The following OR10G4 variants were observed in gnomAD, a reference collection of about 807,000 sequenced individuals.
OR10G4 encodes olfactory receptor 10G4.
For synonymous variants in OR10G4, 130 were observed against 159.3 expected, an observed-to-expected ratio of 0.82 and a Z score of 1.39; for missense variants, 318 against 388.8, an observed-to-expected ratio of 0.82 and a Z score of 1.53.
In OR10G4 at chr11:124,016,365, T is replaced by C; in HGVS notation, c.791T>C (p.Met264Thr). The C allele has an allele frequency of 6.2e-7, 1 of 1,614,200 alleles. No individual in the cohort carries two copies. Among genetic ancestry groups the C allele is most frequent in the Non-Finnish European group, 8.5e-7 (1 of 1,180,018 alleles). The stretch of plus-strand genomic sequence containing the variant: ...GTCATTTATCTGAGGCCAGGCTCCA[T>C]GGATGCCATGGATGGAGTTGTGGCC... ...CVVIYLRPGS[M>T]DAMDGVVAIF... The change falls in exon 2 of 2, where the codon ATG (methionine) becomes ACG (threonine). Residue 264 changes from methionine to threonine, a missense_variant. Physicochemically the swap from Met to Thr is moderately conservative, Grantham distance 81 (BLOSUM62 -1). Transcript: ENST00000641722.
chr11:124,016,878 A>G lies in OR10G4; in HGVS notation c.*368A>G, dbSNP rs1375605769. The G allele has an allele frequency of 6.2e-6, 1 of 161,420 alleles. No homozygotes were observed. Among genetic ancestry groups the G allele is most frequent in the Non-Finnish European group, 1.4e-5 (1 of 74,072 alleles). 10.0% of individuals were successfully genotyped at this position (161,420 alleles called of 1,614,324 possible). A position where few individuals can be genotyped will look rare whatever the true frequency, so the allele number is the denominator to read the frequency against. ...CTTAAGAATTTACCATCATGGAGACATAGTTCAAAACCAGCAACAAATATT... is the reference window on the plus strand; with the variant it reads ...CTTAAGAATTTACCATCATGGAGACGTAGTTCAAAACCAGCAACAAATATT... On this transcript the variant is annotated 3_prime_UTR_variant, in exon 2 of 2. Transcript: ENST00000641722.
At position 124,016,317 on chromosome 11, in the gene OR10G4, T is replaced by A. The variant is rs151015612; in HGVS notation, c.743T>A (p.Leu248His). The change falls in exon 2 of 2, where the codon CTT (leucine) becomes CAT (histidine). Residue 248 changes from leucine (L) to histidine (H), a missense_variant. Leu to His is a moderately conservative substitution (Grantham distance 99, BLOSUM62 -3). Coordinates refer to ENST00000641722, the MANE Select transcript of OR10G4 (RefSeq NM_001004462.2). ...TGTGCCTCCCACTGTATTGTGGTCC[T>A]TTGCTTCTTTGTTCCCTGTGTTGTC... ...QTCASHCIVV[L>H]CFFVPCVVIY... 3.2e-5 allele frequency: 51 copies of A among 1,614,070 alleles called. No individual in the cohort carries two copies. Among genetic ancestry groups the A allele is most frequent in the Non-Finnish European group, 4.2e-5 (50 of 1,180,038 alleles).
In OR10G4 at chr11:124,015,622, C is replaced by T; in HGVS notation, c.48C>T (p.Pro16=). ...LVTAFILTGL[P]HAPGLDALLF... ...CAGCATTCATCCTCACAGGCCTTCC[C>T]CATGCCCCAGGGCTGGACGCCCTCC... The change falls in exon 2 of 2, where the codon CCC becomes CCT. Residue 16 remains proline (P), a synonymous_variant. Transcript: ENST00000641722. The T allele has an allele frequency of 6.2e-7, 1 of 1,603,444 alleles. No individual in the cohort carries two copies. Among genetic ancestry groups the T allele is most frequent in the Non-Finnish European group, 8.5e-7 (1 of 1,174,188 alleles).
At position 124,015,592 on chromosome 11, in the gene OR10G4, C is replaced by T. The variant is rs373153128; in HGVS notation, c.18C>T (p.Leu6=). The T allele has an allele frequency of 5.0e-6, 8 of 1,606,182 alleles. No homozygotes were observed. The highest frequency in any genetic ancestry group is 6.0e-6 in the Non-Finnish European group (7 of 1,175,684). Residue 6 remains leucine, a synonymous_variant, in exon 2 of 2, where the codon CTC becomes CTT. Transcript: ENST00000641722. The stretch of plus-strand genomic sequence containing the variant: ...GAGAAGAAATGTCCAACGCCAGCCT[C>T]GTGACAGCATTCATCCTCACAGGCC... The part of the protein sequence containing the change: MSNAS[L]VTAFILTGLP...
intron 1 of OR10G4, among the ~76,000 whole-genome samples, chr11:124,014,693 G>A (rs1863999940): frequency 6.6e-6 from 1 of 152,188 alleles, no homozygotes; most frequent in African/African-American, 2.4e-5. Context: ...GAGGAAACTA[G>A]TGGATAATTT....
In OR10G4 at chr11:124,016,185, T is replaced by C; in HGVS notation, c.611T>C (p.Ile204Thr). ...ATGGTCATCTTTGTGGACATTGGGA[T>C]AGTGGCCTCAGGCTGCTTTGTCCTG... The part of the protein sequence containing the change: ...NVMVIFVDIG[I>T]VASGCFVLIV... Residue 204 changes from isoleucine to threonine, a missense_variant, in exon 2 of 2, where the codon ATA (isoleucine) becomes ACA (threonine). Coordinates refer to ENST00000641722, the MANE Select transcript of OR10G4 (RefSeq NM_001004462.2). The C allele has an allele frequency of 2.5e-6, 4 of 1,614,234 alleles. No homozygotes were observed. The highest frequency in any genetic ancestry group is 3.3e-4 in the Middle Eastern group (2 of 6,060).
rs905599229 is a variant in OR10G4 at position 124,013,130 on chromosome 11, C to T, written c.-28+18C>T. On this transcript the variant is annotated intron_variant, in intron 1 of 1. Coordinates refer to ENST00000641722, the MANE Select transcript of OR10G4 (RefSeq NM_001004462.2). ...ACTGCAAGGTGAGTCCTTAGAAATG[C>T]AGATTTAAACTTATTTTCTCTATCT... 2.0e-5 allele frequency: 3 copies of T among 152,192 alleles called. No homozygotes were observed. The highest frequency in any genetic ancestry group is 2.9e-5 in the Non-Finnish European group (2 of 68,046). 9.4% of individuals were successfully genotyped at this position (152,192 alleles called of 1,614,324 possible). A position where few individuals can be genotyped will look rare whatever the true frequency, so the allele number is the denominator to read the frequency against.
Position 124,017,050 on chromosome 11 carries a change from T to C in OR10G4, c.*540T>C, listed in dbSNP as rs1243329554. ...TACATGACATTTAGCATATTTAACA[T>C]ATAGGTTTTCATATATTTATGTATG... On this transcript the variant is annotated 3_prime_UTR_variant, in exon 2 of 2. Transcript: ENST00000641722. 6.6e-6 allele frequency: 1 copy of C among 152,252 alleles called. No homozygotes were observed. Among genetic ancestry groups the C allele is most frequent in the African/African-American group, 2.4e-5 (1 of 41,472 alleles). The allele number at this position is 152,252 out of a possible 1,614,324, so 9.4% of individuals were successfully genotyped here. A position where few individuals can be genotyped will look rare whatever the true frequency, so the allele number is the denominator to read the frequency against.
At chr11:124,014,199 T>C (rs1863995820) in intron 1 of OR10G4, among the ~76,000 whole-genome samples, 1 of 152,128 alleles carries the variant, frequency 6.6e-6, no homozygotes, top group East Asian at 1.9e-4. Flanking sequence ...TTACCTTCTC[T>C]AAGAGACCTA....
At chr11:124,015,402 C>A in intron 1 of OR10G4, 146 bp from the exon 2 acceptor site, 1 of 769,376 alleles carries the variant, frequency 1.3e-6, no homozygotes, top group Non-Finnish European at 2.1e-6. Context: ...ATAATTTCAT[C>A]ATCATCTCTG....
intron 1 of OR10G4, among the ~76,000 whole-genome samples, chr11:124,014,578 C>T (rs1025283465): frequency 1.3e-5 from 2 of 152,120 alleles, no homozygotes; most frequent in African/African-American, 4.8e-5. Context: ...CCTGGTACCT[C>T]AGTTGGAAAT....
intron 1 of OR10G4, among the ~76,000 whole-genome samples, chr11:124,014,454 C>T (rs548311319): frequency 7.7e-4 from 117 of 152,258 alleles, no homozygotes; most frequent in African/African-American, 2.7e-3. Flanking sequence ...CAGGGAATTC[C>T]CTGATCCCTT....
intron 1 of OR10G4, chr11:124,014,956 C>T (rs1864002292): frequency 1.3e-5 from 2 of 153,570 alleles, no homozygotes; most frequent in Admixed American, 1.3e-4. Flanking sequence ...AGATTCTTTT[C>T]CTGAATTTGA....
At position 124,016,281 on chromosome 11, in the gene OR10G4, C is replaced by G. The variant is rs1020022515; in HGVS notation, c.707C>G (p.Ala236Gly). 5.0e-6 allele frequency: 8 copies of G among 1,614,174 alleles called. No individual in the cohort carries two copies. The highest frequency in any genetic ancestry group is 1.1e-5 in the South Asian group (1 of 91,072). Residue 236 changes from alanine to glycine, a missense_variant, in exon 2 of 2, where the codon GCC (alanine) becomes GGC (glycine). Ala to Gly is a moderately conservative substitution (Grantham distance 60). Coordinates refer to ENST00000641722, the MANE Select transcript of OR10G4 (RefSeq NM_001004462.2). ...CGCACCTCAGATGGGAGGCGCAGAG[C>G]CTTTCAGACCTGTGCCTCCCACTGT... ...RIRTSDGRRR[A>G]FQTCASHCIV...
At position 124,016,403 on chromosome 11, in the gene OR10G4, G is replaced by A. The variant is rs375395237; in HGVS notation, c.829G>A (p.Val277Met). 1 of 1,614,172 alleles carries A rather than the reference G, an allele frequency of 6.2e-7. No individual in the cohort carries two copies. Among genetic ancestry groups the A allele is most frequent in the Non-Finnish European group, 8.5e-7 (1 of 1,180,022 alleles). The part of the protein sequence containing the change: ...MDGVVAIFYT[V>M]LTPLLNPVVY... ...TGGAGTTGTGGCCATTTTCTACACT[G>A]TGCTGACGCCCCTTCTCAACCCTGT... Residue 277 changes from valine to methionine, a missense_variant, in exon 2 of 2, where the codon GTG (valine) becomes ATG (methionine). Coordinates refer to ENST00000641722, the MANE Select transcript of OR10G4 (RefSeq NM_001004462.2).
At chr11:124,014,015 A>G (rs1591463438) in intron 1 of OR10G4, among the ~76,000 whole-genome samples, 2 of 152,250 alleles carry the variant, frequency 1.3e-5, no homozygotes, top group South Asian at 2.1e-4. Context: ...GCTAGCCCCT[A>G]TCTAGTAGAT....
chr11:124,016,370 G>C lies in OR10G4; in HGVS notation c.796G>C (p.Ala266Pro). The C allele has an allele frequency of 6.2e-7, 1 of 1,614,166 alleles. No individual in the cohort carries two copies. Among genetic ancestry groups the C allele is most frequent in the African/African-American group, 1.3e-5 (1 of 75,048 alleles). ...TTATCTGAGGCCAGGCTCCATGGAT[G>C]CCATGGATGGAGTTGTGGCCATTTT... ...VIYLRPGSMD[A>P]MDGVVAIFYT... Residue 266 changes from alanine (A) to proline (P), a missense_variant, in exon 2 of 2, where the codon GCC (alanine) becomes CCC (proline). Transcript: ENST00000641722.
At chr11:124,014,338 T>C (rs1333792442) in intron 1 of OR10G4, among the ~76,000 whole-genome samples, 2 of 152,176 alleles carry the variant, frequency 1.3e-5, no homozygotes, top group Non-Finnish European at 2.9e-5. Flanking sequence ...ATGAACTCTA[T>C]CTAAGACAAA....
At chr11:124,013,442 A>T (rs767131988) in intron 1 of OR10G4, among the ~76,000 whole-genome samples, 1 of 152,212 alleles carries the variant, frequency 6.6e-6, no homozygotes, top group African/African-American at 2.4e-5. Flanking sequence ...CTGCTGGTAC[A>T]GTAGAAATTT....
Sources: gnomAD v4.1 joint callset for allele counts (sites outside exome capture counted in the v4.1 genomes callset) on GRCh38, gnomAD v4.1.1 for gene constraint, MANE v1.5 for transcripts, NCBI Gene and HGNC (gene_info 2026-07-23, HGNC 2026-07-21) for gene names.